The following LEMD3 variants were observed in gnomAD, a reference collection of about 807,000 sequenced individuals.
The protein encoded by LEMD3 is LEM domain containing 3.
Under a neutral mutation model 95.2 loss-of-function variants are expected in LEMD3, and 33 were observed. The observed-to-expected ratio is 0.35, with a 90% confidence interval of 0.26 to 0.46. The LOEUF (loss-of-function observed/expected upper bound fraction) is 0.46, where lower values mean the gene tolerates loss of function less well. Ranked by LOEUF, LEMD3 falls within the 20% of genes least tolerant of loss-of-function variation. The pLI, the probability that LEMD3 is intolerant of heterozygous loss-of-function variation, is 1.00. For missense variants in LEMD3, 1,210 were observed against 1,192.8 expected (o/e 1.01, Z -0.21); for synonymous variants, 525 against 474.6 (o/e 1.11, Z -1.38).
At chr12:65,227,098 G>A (rs1870470825) in intron 4 of LEMD3, among the ~76,000 whole-genome samples, 1 of 152,126 alleles carries the variant, frequency 6.6e-6, no homozygotes, top group Non-Finnish European at 1.5e-5. Context: ...TCAGTGTTAT[G>A]GGATGGACGA....
At chr12:65,172,836 C>T (rs1868598655) in intron 1 of LEMD3, among the ~76,000 whole-genome samples, 1 of 151,998 alleles carries the variant, frequency 6.6e-6, no homozygotes, top group Non-Finnish European at 1.5e-5. Context: ...AGTGATTCTC[C>T]TGCCTCAGCC....
At chr12:65,185,368 T>C (rs1386996313) in intron 1 of LEMD3, among the ~76,000 whole-genome samples, 1 of 152,296 alleles carries the variant, frequency 6.6e-6, no homozygotes, top group South Asian at 2.1e-4. Context: ...TTAGAATTTA[T>C]GGCAGTAGTT....
In LEMD3 at chr12:65,169,765, G is replaced by T; in HGVS notation, c.169G>T (p.Gly57Trp). ...REEEQQQHRS[G>W]GRGNKTRNSN... The stretch of plus-strand genomic sequence containing the variant: ...GGAAGAGCAGCAACAGCACCGGTCA[G>T]GGGGCCGCGGCAACAAGACGCGGAA... Residue 57 changes from glycine (G) to tryptophan (W), a missense_variant, in exon 1 of 13, where the codon GGG becomes TGG. Around this residue, in one of 2 missense-constraint regions of LEMD3, gnomAD observed 749 missense variants for 622.9 expected, o/e 1.20. Transcript: ENST00000308330. 6.3e-7 allele frequency: 1 copy of T among 1,586,074 alleles called. No individual in the cohort carries two copies. The highest frequency in any genetic ancestry group is 8.6e-7 in the Non-Finnish European group (1 of 1,165,756).
intron 4 of LEMD3, among the ~76,000 whole-genome samples, chr12:65,223,140 TG>T (rs1191229004): frequency 6.6e-6 from 1 of 152,174 alleles, no homozygotes; most frequent in Non-Finnish European, 1.5e-5. Flanking sequence ...TGTATATTTC[TG>T]TTAGATCCAT....
At chr12:65,224,075 A>G (rs1037665063) in intron 4 of LEMD3, among the ~76,000 whole-genome samples, 2 of 152,052 alleles carry the variant, frequency 1.3e-5, no homozygotes, top group Non-Finnish European at 2.9e-5. Context: ...TATCATCAAC[A>G]TATTTTTATA....
chr12:65,245,962 A>T, intron 12 of LEMD3, 23 bp downstream of exon 12: 1 of 1,538,884 alleles, frequency 6.5e-7, no homozygotes, highest in Non-Finnish European at 9.0e-7. Flanking sequence ...AGTACTACAA[A>T]CATTTTGAAA....
At chr12:65,217,772 T>A (rs1870153941) in intron 3 of LEMD3, among the ~76,000 whole-genome samples, 1 of 152,224 alleles carries the variant, frequency 6.6e-6, no homozygotes, top group South Asian at 2.1e-4. Context: ...AGATCATAGG[T>A]GGAAACTTGT....
chr12:65,178,444 A>G (rs1868796911), intron 1 of LEMD3, among the ~76,000 whole-genome samples: 1 of 152,226 alleles, frequency 6.6e-6, no homozygotes, highest in South Asian at 2.1e-4. Context: ...GCTATCAGAG[A>G]ACCTGGGCTT....
intron 8 of LEMD3, chr12:65,240,708 A>C: frequency 1.7e-6 from 1 of 594,114 alleles, no homozygotes; most frequent in East Asian, 2.9e-5. Flanking sequence ...TGGGGAAAAA[A>C]AATACAGATG....
intron 4 of LEMD3, among the ~76,000 whole-genome samples, chr12:65,222,817 A>G (rs920545776): frequency 1.1e-4 from 16 of 151,878 alleles, no homozygotes; most frequent in African/African-American, 2.9e-4. Context: ...ACTGCTTCTC[A>G]TAAATTTTGT....
chr12:65,227,509 A>G (rs114998524), intron 4 of LEMD3, among the ~76,000 whole-genome samples: 2,837 of 152,260 alleles, frequency 0.019, 85 homozygotes, highest in African/African-American at 0.064. Flanking sequence ...TAGATGCTCA[A>G]GTTCTTTATA....
intron 4 of LEMD3, among the ~76,000 whole-genome samples, chr12:65,221,173 A>T (rs1282072095): frequency 7.5e-5 from 9 of 120,732 alleles, no homozygotes; most frequent in Non-Finnish European, 1.2e-4. Context: ...CTTTTATTTC[A>T]TTCAGCTTTT....
At chr12:65,202,864 C>T (rs539570856) in intron 1 of LEMD3, among the ~76,000 whole-genome samples, 2 of 152,170 alleles carry the variant, frequency 1.3e-5, no homozygotes, top group East Asian at 3.9e-4. Context: ...CTTTTGTTAT[C>T]CTTTTAATAT....
At chr12:65,188,214 A>T (rs1413303114) in intron 1 of LEMD3, among the ~76,000 whole-genome samples, 2 of 152,110 alleles carry the variant, frequency 1.3e-5, no homozygotes, top group Non-Finnish European at 2.9e-5. Flanking sequence ...ATAAAGGATT[A>T]GGGAACATTA....
chr12:65,212,206 A>G (rs1225903295), intron 2 of LEMD3, among the ~76,000 whole-genome samples: 1 of 152,024 alleles, frequency 6.6e-6, no homozygotes, highest in Non-Finnish European at 1.5e-5. Flanking sequence ...TAGCATGGGG[A>G]AAAAAACCCA....
intron 1 of LEMD3, among the ~76,000 whole-genome samples, chr12:65,190,623 GT>G (rs1232043630): frequency 2.0e-5 from 3 of 152,140 alleles, no homozygotes; most frequent in Non-Finnish European, 4.4e-5. Flanking sequence ...AATCTTACAT[GT>G]TTCGATTGAT....
At chr12:65,195,317 A>G (rs142760231) in intron 1 of LEMD3, among the ~76,000 whole-genome samples, 15 of 152,240 alleles carry the variant, frequency 9.9e-5, no homozygotes, top group African/African-American at 3.4e-4. Flanking sequence ...GTAAATATAT[A>G]GGCAGATATA....
At chr12:65,188,721 TTA>T (rs1330938507) in intron 1 of LEMD3, among the ~76,000 whole-genome samples, 3 of 152,184 alleles carry the variant, frequency 2.0e-5, no homozygotes, top group Non-Finnish European at 4.4e-5. Flanking sequence ...TCTGTCACCA[TTA>T]TAGTGACTTA....
chr12:65,179,126 T>G (rs924120905), intron 1 of LEMD3, among the ~76,000 whole-genome samples: 1 of 152,140 alleles, frequency 6.6e-6, no homozygotes, highest in Non-Finnish European at 1.5e-5. Context: ...TCAAAACTGG[T>G]AGGGAAAGTG....
Sources: gnomAD v4.1 joint callset for allele counts (sites outside exome capture counted in the v4.1 genomes callset) on GRCh38, gnomAD v4.1.1 for gene constraint, gnomAD v4.1.1 regional missense constraint, MANE v1.5 for transcripts, NCBI Gene and HGNC (gene_info 2026-07-23, HGNC 2026-07-21) for gene names.